BTRC: variants seen among roughly 807,000 people sequenced by gnomAD.
BTRC encodes the protein F-box/WD repeat-containing protein 1A.
BTRC carries 42 observed loss-of-function variants against 85.5 expected under a neutral mutation model. The ratio of observed to expected loss-of-function variants is 0.49; its 90% CI spans 0.38 to 0.64. The LOEUF (loss-of-function observed/expected upper bound fraction) is 0.64, where lower values mean the gene tolerates loss of function less well. Among genes scored for constraint, BTRC ranks in the 30% least tolerant of loss-of-function variants. The pLI, the probability that BTRC is intolerant of heterozygous loss-of-function variation, is 0.00. For missense variants in BTRC, 594 were observed against 743.5 expected, an observed-to-expected ratio of 0.80 and a Z score of 2.34; for synonymous variants, 255 against 263.3, an observed-to-expected ratio of 0.97 and a Z score of 0.30.
intron 4 of BTRC, among the ~76,000 whole-genome samples, chr10:101,482,195 T>C (rs1186398591): frequency 6.6e-6 from 1 of 151,742 alleles, no homozygotes; most frequent in Non-Finnish European, 1.5e-5. Flanking sequence ...AATTTTTATA[T>C]TTTTAAGTAG....
At chr10:101,407,732 T>C (rs1359277631) in intron 1 of BTRC, among the ~76,000 whole-genome samples, 1 of 150,982 alleles carries the variant, frequency 6.6e-6, no homozygotes, top group African/African-American at 2.4e-5. Flanking sequence ...CTTTTTCTTT[T>C]TTTTTTTTTG....
intron 1 of BTRC, among the ~76,000 whole-genome samples, chr10:101,390,241 A>C (rs1178855621): frequency 1.3e-5 from 2 of 151,940 alleles, no homozygotes. Context: ...TAAACTGCCC[A>C]TCCTGCTTCC....
At chr10:101,453,519 C>T (rs1223368041) in intron 2 of BTRC, 1 of 152,132 alleles carries the variant, frequency 6.6e-6, no homozygotes, top group African/African-American at 2.4e-5. Flanking sequence ...TCTGTTGCAC[C>T]ATCCAACCTT....
intron 14 of BTRC, 186 bp downstream of exon 14, chr10:101,551,077 C>A: frequency 2.0e-6 from 1 of 495,802 alleles, no homozygotes; most frequent in Non-Finnish European, 3.5e-6. Context: ...ACCAAGGTAG[C>A]CAGCCTCAGT....
At chr10:101,464,107 A>C (rs564184803) in intron 3 of BTRC, among the ~76,000 whole-genome samples, 2 of 152,306 alleles carry the variant, frequency 1.3e-5, no homozygotes, top group East Asian at 3.9e-4. Context: ...TCTGCCCACT[A>C]TACAGAAACA....
intron 4 of BTRC, among the ~76,000 whole-genome samples, chr10:101,483,138 T>C (rs1945885277): frequency 6.6e-6 from 1 of 152,170 alleles, no homozygotes; most frequent in African/African-American, 2.4e-5. Context: ...ATTGTAACTC[T>C]TTGCCAGAAA....
At chr10:101,379,462 T>C (rs17113964) in intron 1 of BTRC, among the ~76,000 whole-genome samples, 4,929 of 152,314 alleles carry the variant, frequency 0.032, 94 homozygotes, top group East Asian at 0.095. Flanking sequence ...TTTCAATGTG[T>C]CTTTAAAATG....
chr10:101,470,628 C>T (rs1024440856), intron 3 of BTRC, among the ~76,000 whole-genome samples: 2 of 152,184 alleles, frequency 1.3e-5, no homozygotes, highest in African/African-American at 4.8e-5. Flanking sequence ...CCGCGCCTAG[C>T]CGGTTTTTTC....
chr10:101,449,768 C>T (rs796368251), intron 2 of BTRC, among the ~76,000 whole-genome samples: 52 of 151,444 alleles, frequency 3.4e-4, no homozygotes, highest in African/African-American at 1.2e-3. Context: ...TATTTCTCTA[C>T]TTTGTACATT....
chr10:101,475,556 C>T (rs1001388135), intron 3 of BTRC, among the ~76,000 whole-genome samples: 29 of 152,002 alleles, frequency 1.9e-4, no homozygotes, highest in Non-Finnish European at 3.2e-4. Flanking sequence ...AAAACAAAAA[C>T]AAAAACAGAA....
intron 5 of BTRC, 46 bp from the exon 6 acceptor site, chr10:101,525,967 G>A (rs764456335): frequency 5.7e-6 from 9 of 1,576,050 alleles, no homozygotes; most frequent in Non-Finnish European, 7.8e-6. Flanking sequence ...AAAATCATTC[G>A]CCACCTTCTG....
At chr10:101,544,642 A>C (rs1330797037) in intron 13 of BTRC, among the ~76,000 whole-genome samples, 1 of 152,138 alleles carries the variant, frequency 6.6e-6, no homozygotes, top group Non-Finnish European at 1.5e-5. Context: ...CTGGCCTCAC[A>C]TAATCCTCTT....
chr10:101,486,996 T>C (rs552850272), intron 4 of BTRC, among the ~76,000 whole-genome samples: 2 of 152,372 alleles, frequency 1.3e-5, no homozygotes, highest in South Asian at 2.1e-4. Flanking sequence ...ATCAATCTTA[T>C]TGAAACATTA....
At chr10:101,373,366 TA>T (rs1409305301) in intron 1 of BTRC, among the ~76,000 whole-genome samples, 43 of 152,290 alleles carry the variant, frequency 2.8e-4, no homozygotes, top group African/African-American at 1.0e-3. Flanking sequence ...GGGCTTGAGC[TA>T]GGGCAGTAGG....
intron 4 of BTRC, among the ~76,000 whole-genome samples, chr10:101,520,686 G>A (rs922394023): frequency 3.3e-5 from 5 of 152,118 alleles, no homozygotes; most frequent in African/African-American, 1.2e-4. Flanking sequence ...GGCCGGGCAC[G>A]GTGGCTCATG....
At chr10:101,541,584 A>T (rs1285069098) in intron 13 of BTRC, among the ~76,000 whole-genome samples, 1 of 152,140 alleles carries the variant, frequency 6.6e-6, no homozygotes, top group Non-Finnish European at 1.5e-5. Flanking sequence ...GTGACCCATT[A>T]TCAGGGGATT....
At chr10:101,430,490 A>G (rs1482638890) in intron 2 of BTRC, 38 bp downstream of exon 2, 1 of 1,530,890 alleles carries the variant, frequency 6.5e-7, no homozygotes, top group Non-Finnish European at 9.0e-7. Flanking sequence ...TGCGGGCATT[A>G]GTGTATGTGT....
chr10:101,533,016 G>A lies in BTRC; in HGVS notation c.1043G>A (p.Cys348Tyr). The A allele has an allele frequency of 6.2e-7, 1 of 1,613,572 alleles. No homozygotes were observed. Among genetic ancestry groups the A allele is most frequent in the South Asian group, 1.1e-5 (1 of 91,066 alleles). Residue 348 changes from cysteine (C) to tyrosine (Y), a missense_variant, in exon 9 of 15, where the codon TGT (cysteine) becomes TAT (tyrosine). By Grantham distance (194) the Cys-to-Tyr change is radical (BLOSUM62 -2). Coordinates refer to ENST00000370187, the MANE Select transcript of BTRC (RefSeq NM_033637.4). ...ACAGGCCATACAGGTTCAGTCCTCT[G>A]TCTCCAGTATGATGAGAGAGTGATC... ...ILTGHTGSVL[C>Y]LQYDERVIIT...
chr10:101,556,137 C>T lies in BTRC; in HGVS notation c.*3014C>T, dbSNP rs941809191. On this transcript the variant is annotated 3_prime_UTR_variant, in exon 15 of 15. Transcript: ENST00000370187. ...AGTAATAAAAGTCTGGCCCTCATAACTTGTTTCCGAACTAGAAAAGTCTGT... is the reference window on the plus strand; with the variant it reads ...AGTAATAAAAGTCTGGCCCTCATAATTTGTTTCCGAACTAGAAAAGTCTGT... 1 of 152,164 alleles carries T rather than the reference C, an allele frequency of 6.6e-6. No individual in the cohort carries two copies. Among genetic ancestry groups the T allele is most frequent in the Non-Finnish European group, 1.5e-5 (1 of 68,026 alleles). 9.4% of individuals were successfully genotyped at this position (152,164 alleles called of 1,614,324 possible).
Sources: gnomAD v4.1 joint callset for allele counts (sites outside exome capture counted in the v4.1 genomes callset) on GRCh38, gnomAD v4.1.1 for gene constraint, MANE v1.5 for transcripts, NCBI Gene and HGNC (gene_info 2026-07-23, HGNC 2026-07-21) for gene names.